FRMD3: variants seen among roughly 807,000 people sequenced by gnomAD.
FRMD3 encodes FERM domain-containing protein 3.
Under a neutral mutation model 70.2 loss-of-function variants are expected in FRMD3, and 33 were observed. The ratio of observed to expected loss-of-function variants is 0.47; its 90% CI spans 0.36 to 0.63. FRMD3 has a LOEUF of 0.63. Among genes scored for constraint, FRMD3 ranks in the 20% least tolerant of loss-of-function variants. FRMD3 has a pLI of 0.00. For synonymous variants in FRMD3, 279 were observed against 255.9 expected, an observed-to-expected ratio of 1.09 and a Z score of -0.86; for missense variants, 632 against 711.4, an observed-to-expected ratio of 0.89 and a Z score of 1.27.
the FRMD3 span, among the ~76,000 whole-genome samples, chr9:83,571,414 G>T: frequency 6.6e-6 from 1 of 152,174 alleles, no homozygotes; most frequent in Non-Finnish European, 1.5e-5. Flanking sequence ...AACAGACTAA[G>T]ATAGACTTCC....
intron 1 of FRMD3, among the ~76,000 whole-genome samples, chr9:83,391,447 G>C (rs1035060239): frequency 6.6e-6 from 1 of 152,108 alleles, no homozygotes; most frequent in Non-Finnish European, 1.5e-5. Context: ...ATGATTGAAT[G>C]GCAAAGCCCT....
chr9:83,244,889 T>C lies in FRMD3; in HGVS notation c.*3029A>G. The C allele has an allele frequency of 3.1e-6, 3 of 959,542 alleles. No individual in the cohort carries two copies. Among genetic ancestry groups the C allele is most frequent in the Admixed American group, 6.5e-5 (1 of 15,444 alleles). The allele number at this position is 959,542 out of a possible 1,614,324, so 59.4% of individuals were successfully genotyped here. ...TTTTCAAGCACAGACAAATACATACTTTACTTTACCTACATTGTTTTCATG... is the reference window on the plus strand; with the variant it reads ...TTTTCAAGCACAGACAAATACATACCTTACTTTACCTACATTGTTTTCATG... On this transcript the variant is annotated 3_prime_UTR_variant, in exon 14 of 14. Coordinates refer to ENST00000304195, the MANE Select transcript of FRMD3 (RefSeq NM_174938.6).
At position 83,479,653 on chromosome 9, in the gene FRMD3, AAG is replaced by A. The variant is rs1828493435; in HGVS notation, c.147+58430_147+58431del. ...GAAGGAAGGAAGGAAGGAAGGAAGG[AAG>A]GAAGGAAGGAAGGAAGGAAAGAAAG... On this transcript the variant is annotated intron_variant, in intron 1 of 13. Coordinates refer to ENST00000304195, the MANE Select transcript of FRMD3 (RefSeq NM_174938.6). 6.1e-5 allele frequency among the ~76,000 whole-genome samples: 3 copies of A among 49,336 alleles called. No individual in the cohort carries two copies. In the East Asian group the frequency reaches 1.1e-3, roughly 18 times the overall value. The allele number at this position is 49,336 out of a possible 152,430, so 32.4% of individuals were successfully genotyped here. A position where few individuals can be genotyped will look rare whatever the true frequency, so the allele number is the denominator to read the frequency against.
chr9:83,294,223 A>G (rs1285615443), intron 12 of FRMD3, among the ~76,000 whole-genome samples: 1 of 152,226 alleles, frequency 6.6e-6, no homozygotes, highest in Non-Finnish European at 1.5e-5. Context: ...ACACAGCAAG[A>G]AGGCACCATC....
At chr9:83,541,374 A>G (rs142339580), upstream of FRMD3, among the ~76,000 whole-genome samples, 215 of 152,344 alleles carry the variant, frequency 1.4e-3, no homozygotes, top group African/African-American at 4.8e-3. Context: ...TTCTGGACTC[A>G]GCTAAATGAA....
upstream of FRMD3, among the ~76,000 whole-genome samples, chr9:83,541,202 C>G (rs987293963): frequency 6.6e-6 from 1 of 152,206 alleles, no homozygotes; most frequent in African/African-American, 2.4e-5. Flanking sequence ...CAGTCACACC[C>G]TAGGAGACCA....
Position 83,311,946 on chromosome 9 carries a change from T to C in FRMD3, c.714A>G (p.Gly238=), listed in dbSNP as rs1835372842. The change falls in exon 8 of 14, where the codon GGA becomes GGG. Residue 238 remains glycine (G), a synonymous_variant. Coordinates refer to ENST00000304195, the MANE Select transcript of FRMD3 (RefSeq NM_174938.6). ...KDSTGTTTFL[G]FTAAGFVVFQ... Reference sequence around the variant, plus strand: ...AGACCACAAAGCCTGCAGCTGTGAATCCTAAAAATGTTGTTGTGCCTGTTG... The same window carrying C: ...AGACCACAAAGCCTGCAGCTGTGAACCCTAAAAATGTTGTTGTGCCTGTTG... The C allele has an allele frequency of 1.2e-6, 2 of 1,604,198 alleles. No homozygotes were observed. The highest frequency in any genetic ancestry group is 2.7e-5 in the African/African-American group (2 of 72,860).
At chr9:83,304,709 C>T (rs1564005416) in intron 10 of FRMD3, among the ~76,000 whole-genome samples, 1 of 152,234 alleles carries the variant, frequency 6.6e-6, no homozygotes, top group Non-Finnish European at 1.5e-5. Context: ...GATAAAGATG[C>T]TGTTAATGAA....
intron 6 of FRMD3, among the ~76,000 whole-genome samples, chr9:83,314,206 A>G (rs1192561827): frequency 6.6e-6 from 1 of 152,178 alleles, no homozygotes; most frequent in Admixed American, 6.5e-5. Context: ...AGAATTGTCA[A>G]CCATCCCACA....
At chr9:83,412,910 G>C (rs112848069) in intron 1 of FRMD3, among the ~76,000 whole-genome samples, 1 of 152,020 alleles carries the variant, frequency 6.6e-6, no homozygotes, top group Non-Finnish European at 1.5e-5. Flanking sequence ...CAGGAGAATC[G>C]CTCGAACCCG....
At chr9:83,434,596 T>C (rs1177686132) in intron 1 of FRMD3, among the ~76,000 whole-genome samples, 1 of 152,136 alleles carries the variant, frequency 6.6e-6, no homozygotes, top group South Asian at 2.1e-4. Context: ...TTAACAAGCT[T>C]TTAAAAGCAA....
In FRMD3 at chr9:83,453,817, G is replaced by A. The variant is rs368795667; in HGVS notation, c.148-64109C>T. Among the ~76,000 whole-genome samples the A allele has an allele frequency of 9.5e-5, 14 of 147,784 alleles. No individual in the cohort carries two copies. The South Asian group carries it at 1.3e-3, about 14-fold the overall frequency. ...TGCAAGCTCTGCCTCCCAGGTTCAC[G>A]CCATTCTCTTGCCTCAGCCTCCCAA... On this transcript the variant is annotated intron_variant, in intron 1 of 13. Transcript: ENST00000304195.
intron 1 of FRMD3, among the ~76,000 whole-genome samples, chr9:83,506,846 T>C (rs1176682806): frequency 6.6e-6 from 1 of 152,234 alleles, no homozygotes; most frequent in Non-Finnish European, 1.5e-5. Flanking sequence ...CTGCACATAA[T>C]ATTTTCTTAA....
chr9:83,282,265 C>G (rs1003458141), intron 13 of FRMD3, among the ~76,000 whole-genome samples: 1 of 152,190 alleles, frequency 6.6e-6, no homozygotes, highest in South Asian at 2.1e-4. Context: ...AAGTTTTAAG[C>G]TTTGCTGGCA....
At chr9:83,391,622 T>C (rs1184673456) in intron 1 of FRMD3, among the ~76,000 whole-genome samples, 1 of 152,036 alleles carries the variant, frequency 6.6e-6, no homozygotes, top group Non-Finnish European at 1.5e-5. Context: ...ACAACAAAGA[T>C]TTTTTTTAAG....
At chr9:83,452,636 C>G (rs1462613571) in intron 1 of FRMD3, among the ~76,000 whole-genome samples, 1 of 151,820 alleles carries the variant, frequency 6.6e-6, no homozygotes, top group East Asian at 2.0e-4. Flanking sequence ...CGCCCACCAC[C>G]GCACCCAGCT....
At chr9:83,501,186 C>T (rs1378827550) in intron 1 of FRMD3, among the ~76,000 whole-genome samples, 2 of 151,846 alleles carry the variant, frequency 1.3e-5, no homozygotes, top group African/African-American at 4.8e-5. Flanking sequence ...CCCAGCTACT[C>T]GGGAGGCTGA....
chr9:83,474,241 C>T (rs189927793), intron 1 of FRMD3, among the ~76,000 whole-genome samples: 44 of 152,268 alleles, frequency 2.9e-4, no homozygotes, highest in Admixed American at 2.6e-3. Flanking sequence ...GCCTTCACTT[C>T]CTTTGTGGAA....
At chr9:83,311,287 GA>G (rs35801668) in intron 8 of FRMD3, among the ~76,000 whole-genome samples, 58,802 of 121,436 alleles carry the variant, frequency 0.48, 12,945 homozygotes, top group East Asian at 0.63. Context: ...GAATGGCAGA[GA>G]AAAAAAAAAA....
Sources: gnomAD v4.1 joint callset for allele counts (sites outside exome capture counted in the v4.1 genomes callset) on GRCh38, gnomAD v4.1.1 for gene constraint, MANE v1.5 for transcripts, NCBI Gene and HGNC (gene_info 2026-07-23, HGNC 2026-07-21) for gene names.